The following MANBA variants were observed in gnomAD, a reference collection of about 807,000 sequenced individuals.
The protein encoded by MANBA is beta-mannosidase.
A neutral mutation model predicts 111.1 loss-of-function variants in MANBA; 83 were observed. That is an observed-to-expected ratio of 0.75 (90% CI 0.63 to 0.90). The LOEUF (loss-of-function observed/expected upper bound fraction) is 0.90, where lower values mean the gene tolerates loss of function less well. MANBA is among the 40% of genes least tolerant of loss of function. The pLI is 0.00. For synonymous variants in MANBA, 370 were observed against 378.7 expected (o/e 0.98, Z 0.27); for missense variants, 1,036 against 1,069.0 (o/e 0.97, Z 0.43).
chr4:102,722,867 T>C lies in MANBA; in HGVS notation c.549+4A>G, dbSNP rs770688832. On this transcript the variant is annotated splice_donor_region_variant and intron_variant, in intron 4 of 16. Transcript: ENST00000647097. ...AAAACCCGACCTGTTTGAGAGACCATTACCTTCCGAACAAAGTTGACATGG... is the reference window on the plus strand; with the variant it reads ...AAAACCCGACCTGTTTGAGAGACCACTACCTTCCGAACAAAGTTGACATGG... 1.2e-6 allele frequency: 2 copies of C among 1,613,954 alleles called. No homozygotes were observed. Among genetic ancestry groups the C allele is most frequent in the Non-Finnish European group, 1.7e-6 (2 of 1,179,840 alleles).
At chr4:102,636,067 C>G (rs1729619913) in intron 14 of MANBA, 60 bp from the exon 15 acceptor site, 1 of 1,464,254 alleles carries the variant, frequency 6.8e-7, no homozygotes, top group Admixed American at 1.7e-5. Context: ...AGGCACTGTC[C>G]AATGGCCCAG....
chr4:102,668,426 T>A (rs1731321611), intron 10 of MANBA: 1 of 160,220 alleles, frequency 6.2e-6, no homozygotes, highest in Non-Finnish European at 1.4e-5. Context: ...CGTTGGGCAT[T>A]ATTTCTAGAT....
At chr4:102,643,685 C>A (rs1023609204) in intron 13 of MANBA, among the ~76,000 whole-genome samples, 2 of 152,058 alleles carry the variant, frequency 1.3e-5, no homozygotes, top group African/African-American at 4.8e-5. Flanking sequence ...GTTTACTGGT[C>A]ATTTTCTTTA....
At chr4:102,635,423 A>G (rs1729580870) in intron 15 of MANBA, among the ~76,000 whole-genome samples, 1 of 152,170 alleles carries the variant, frequency 6.6e-6, no homozygotes, top group African/African-American at 2.4e-5. Flanking sequence ...TTTTTACTTA[A>G]ATTTGTTTTT....
intron 4 of MANBA, among the ~76,000 whole-genome samples, chr4:102,717,661 T>C (rs1044406990): frequency 6.6e-6 from 1 of 152,162 alleles, no homozygotes; most frequent in Admixed American, 6.5e-5. Context: ...GCCAAAGTGC[T>C]GGGATTACAG....
intron 12 of MANBA, among the ~76,000 whole-genome samples, chr4:102,651,936 C>A (rs551022111): frequency 6.9e-6 from 1 of 145,966 alleles, no homozygotes; most frequent in South Asian, 2.3e-4. Context: ...GCTTCCTCCT[C>A]TTAATTTATT....
intron 13 of MANBA, among the ~76,000 whole-genome samples, chr4:102,647,679 A>G (rs888860198): frequency 3.3e-5 from 5 of 152,100 alleles, no homozygotes; most frequent in Non-Finnish European, 7.4e-5. Flanking sequence ...ACAGATACCA[A>G]CATTGCCTTT....
chr4:102,699,569 G>C (rs922946195), intron 5 of MANBA, among the ~76,000 whole-genome samples: 5 of 150,664 alleles, frequency 3.3e-5, no homozygotes, highest in East Asian at 1.9e-4. Flanking sequence ...TAGCATGAAG[G>C]GTTGTTGAAT....
intron 5 of MANBA, among the ~76,000 whole-genome samples, chr4:102,694,376 G>C (rs903515766): frequency 5.9e-5 from 9 of 152,154 alleles, no homozygotes; most frequent in African/African-American, 2.2e-4. Flanking sequence ...TTCACAAGGC[G>C]CAAAGTCTTA....
At chr4:102,723,336 G>A (rs974274257) in intron 3 of MANBA, among the ~76,000 whole-genome samples, 1 of 152,134 alleles carries the variant, frequency 6.6e-6, no homozygotes, top group Non-Finnish European at 1.5e-5. Flanking sequence ...AATAACTTTA[G>A]CTCTGGAATG....
At chr4:102,700,247 C>G (rs1438885205) in intron 5 of MANBA, among the ~76,000 whole-genome samples, 6 of 151,910 alleles carry the variant, frequency 3.9e-5, no homozygotes, top group Non-Finnish European at 7.4e-5. Context: ...ATTCTTCTCT[C>G]TTTTTTTCTT....
chr4:102,756,797 T>TAAAAAAAAAAAAAAA (rs35787338), intron 1 of MANBA, among the ~76,000 whole-genome samples: 1 of 72,006 alleles, frequency 1.4e-5, no homozygotes, highest in Non-Finnish European at 2.6e-5. Context: ...AGAGACTATC[T>TAAAAAAAAAAAAAAA]AAAAAAAAAA....
In MANBA at chr4:102,631,699, A is replaced by C. The variant is rs1324368006; in HGVS notation, c.*358T>G. 3.8e-6 allele frequency: 2 copies of C among 532,492 alleles called. No homozygotes were observed. The highest frequency in any genetic ancestry group is 6.6e-6 in the Non-Finnish European group (2 of 303,928). 33.0% of individuals were successfully genotyped at this position (532,492 alleles called of 1,614,324 possible). The stretch of plus-strand genomic sequence containing the variant: ...CTGTGAAAGACCTACATCACCTCAA[A>C]ACCTTCCATTTGGTTCCATAGATCC... On this transcript the variant is annotated 3_prime_UTR_variant, in exon 17 of 17. Transcript: ENST00000647097.
chr4:102,635,591 T>C (rs1030276690), intron 15 of MANBA, among the ~76,000 whole-genome samples: 1 of 152,216 alleles, frequency 6.6e-6, no homozygotes, highest in Non-Finnish European at 1.5e-5. Flanking sequence ...TTATAGCATA[T>C]GTGATTTGCT....
chr4:102,714,263 C>T lies in MANBA; in HGVS notation c.673+175G>A, dbSNP rs74462277. On this transcript the variant is annotated intron_variant, in intron 5 of 16. Coordinates refer to ENST00000647097, the MANE Select transcript of MANBA (RefSeq NM_005908.4). ...TACCTACATATCTGCTTTATATTGT[C>T]AATTTTCATGTAAAATCAGTTTGTA... is the stretch of plus-strand genomic sequence containing the variant. Among the ~76,000 whole-genome samples, 655 of 152,250 alleles carry T rather than the reference C, an allele frequency of 4.3e-3. 5 individuals carry two copies. Among genetic ancestry groups the T allele is most frequent in the African/African-American group, 0.015 (631 of 41,538 alleles).
intron 7 of MANBA, among the ~76,000 whole-genome samples, chr4:102,674,407 A>T (rs374006637): frequency 1.2e-4 from 19 of 152,348 alleles, no homozygotes; most frequent in African/African-American, 4.3e-4. Flanking sequence ...TTTCAAAAAA[A>T]TAGAAAAAAA....
rs180675369 is a variant in MANBA at position 102,757,957 on chromosome 4, C to T, written c.177+2761G>A. ...GACTATTCCTGAAACTTGTCAAGCT[C>T]GTGCCTGCCTCAGGGCCTCTATCCT... On this transcript the variant is annotated intron_variant, in intron 1 of 16. Coordinates refer to ENST00000647097, the MANE Select transcript of MANBA (RefSeq NM_005908.4). Among the ~76,000 whole-genome samples, 5 of 152,310 alleles carry T rather than the reference C, an allele frequency of 3.3e-5. No individual in the cohort carries two copies. The East Asian group carries it at 9.6e-4, about 29-fold the overall frequency.
At chr4:102,643,918 G>C (rs1729991390) in intron 13 of MANBA, among the ~76,000 whole-genome samples, 1 of 152,012 alleles carries the variant, frequency 6.6e-6, no homozygotes, top group South Asian at 2.1e-4. Context: ...CATACAATTT[G>C]CCTATTTTTT....
chr4:102,671,198 G>A (rs1031213170), intron 9 of MANBA, 83 bp downstream of exon 9: 2 of 902,608 alleles, frequency 2.2e-6, no homozygotes, highest in African/African-American at 3.3e-5. Flanking sequence ...CTGAGACTGG[G>A]GCAATTGCAT....
Sources: allele counts gnomAD v4.1 joint callset (sites outside exome capture counted in the v4.1 genomes callset), GRCh38; gene constraint gnomAD v4.1.1; transcripts MANE v1.5; gene names NCBI Gene and HGNC (gene_info 2026-07-23, HGNC 2026-07-21).